FNBP1: variants seen among roughly 807,000 people sequenced by gnomAD.
FNBP1 encodes formin binding protein 1, also known as formin-binding protein 1.
A neutral mutation model predicts 90.6 loss-of-function variants in FNBP1; 26 were observed. The ratio of observed to expected loss-of-function variants is 0.29; its 90% CI spans 0.21 to 0.40. FNBP1 has a LOEUF of 0.40. FNBP1 is among the 10% of genes least tolerant of loss of function. FNBP1 has a pLI of 1.00. For missense variants in FNBP1, 635 were observed against 768.0 expected (o/e 0.83, Z 2.05); for synonymous variants, 260 against 265.2 (o/e 0.98, Z 0.19).
intron 6 of FNBP1, among the ~76,000 whole-genome samples, chr9:129,935,898 C>A (rs2043371126): frequency 6.6e-6 from 1 of 152,144 alleles, no homozygotes; most frequent in South Asian, 2.1e-4. Flanking sequence ...AAGAGACTTA[C>A]TAAGTTTTTA....
At chr9:130,039,825 G>A (rs917321206) in intron 1 of FNBP1, among the ~76,000 whole-genome samples, 1 of 152,130 alleles carries the variant, frequency 6.6e-6, no homozygotes, top group Non-Finnish European at 1.5e-5. Context: ...TTAGAAACCT[G>A]TAGTTTCTAA....
At chr9:130,033,827 C>T (rs987741045) in intron 1 of FNBP1, among the ~76,000 whole-genome samples, 12 of 141,464 alleles carry the variant, frequency 8.5e-5, no homozygotes, top group African/African-American at 3.2e-4. Flanking sequence ...ACATGGTAAC[C>T]CCGCCTCTAC....
chr9:130,002,525 T>G (rs182372371), intron 1 of FNBP1, among the ~76,000 whole-genome samples: 26 of 152,290 alleles, frequency 1.7e-4, no homozygotes, highest in African/African-American at 4.8e-4. Flanking sequence ...CCCCTCTCTA[T>G]TGTGCCCTCT....
intron 3 of FNBP1, 34 bp downstream of exon 3, chr9:129,979,284 T>C (rs760875685): frequency 7.5e-6 from 10 of 1,327,784 alleles, no homozygotes; most frequent in Non-Finnish European, 1.1e-5. Context: ...ATGGCATGTG[T>C]CTATTACAAG....
At chr9:130,049,466 C>T in the FNBP1 span, among the ~76,000 whole-genome samples, 1 of 152,254 alleles carries the variant, frequency 6.6e-6, no homozygotes, top group South Asian at 2.1e-4. Flanking sequence ...ATAATCCCAG[C>T]ACTTTGGGAG....
chr9:129,991,115 T>G (rs1022551390), intron 2 of FNBP1, among the ~76,000 whole-genome samples: 1 of 151,696 alleles, frequency 6.6e-6, no homozygotes, highest in African/African-American at 2.4e-5. Context: ...TTTGTATTTT[T>G]AGTAGAGACA....
chr9:129,999,732 T>C (rs1221612335), intron 1 of FNBP1, among the ~76,000 whole-genome samples: 1 of 152,154 alleles, frequency 6.6e-6, no homozygotes, highest in African/African-American at 2.4e-5. Flanking sequence ...AACAAACCCA[T>C]TACCATTACA....
chr9:129,970,337 C>T lies in FNBP1; in HGVS notation c.345+8128G>A, dbSNP rs1588969822. 2.0e-5 allele frequency among the ~76,000 whole-genome samples: 3 copies of T among 152,102 alleles called. No homozygotes were observed. The South Asian group carries it at 6.2e-4, about 32-fold the overall frequency. On this transcript the variant is annotated intron_variant, in intron 4 of 16. Coordinates refer to ENST00000446176, the MANE Select transcript of FNBP1 (RefSeq NM_015033.3). ...TCTCCTGCCTCAGCCTCCCGAGTAG[C>T]TGGGATTGCAGACATGCACAACCAA...
At chr9:129,935,031 G>A (rs139438453) in intron 6 of FNBP1, among the ~76,000 whole-genome samples, 1 of 151,788 alleles carries the variant, frequency 6.6e-6, no homozygotes, top group Non-Finnish European at 1.5e-5. Context: ...ATCCTAATGG[G>A]TTTAAAGACA....
intron 6 of FNBP1, among the ~76,000 whole-genome samples, chr9:129,930,412 A>G (rs1348645006): frequency 6.6e-6 from 1 of 152,150 alleles, no homozygotes. Flanking sequence ...TTCATGCACT[A>G]AAAAGGCATA....
intron 10 of FNBP1, among the ~76,000 whole-genome samples, chr9:129,921,265 T>C (rs2041038014): frequency 6.6e-6 from 1 of 152,078 alleles, no homozygotes; most frequent in Non-Finnish European, 1.5e-5. Flanking sequence ...ATTTACATTC[T>C]TTACTTTTTT....
At chr9:129,972,218 C>T (rs2049566898) in intron 4 of FNBP1, among the ~76,000 whole-genome samples, 1 of 152,206 alleles carries the variant, frequency 6.6e-6, no homozygotes, top group African/African-American at 2.4e-5. Context: ...ACTGCAACCT[C>T]TGCCTCCCGG....
At chr9:129,937,623 C>T (rs569408750) in intron 6 of FNBP1, among the ~76,000 whole-genome samples, 1 of 150,530 alleles carries the variant, frequency 6.6e-6, no homozygotes, top group Non-Finnish European at 1.5e-5. Context: ...CCCAGCTACT[C>T]GGGAGGCTGA....
Position 129,900,688 on chromosome 9 carries a change from A to G in FNBP1, c.1429-141T>C. On this transcript the variant is annotated intron_variant, in intron 13 of 16. Transcript: ENST00000446176. This position sits in a 1 kb window ranked among gnomAD's most constrained non-coding sequence, Gnocchi z 4.1. ...ACTCAGGGGCTACTCTTGGCCATTT[A>G]ACCCAATGTGAGGAAGTCCACGTGG... 3.3e-6 allele frequency: 3 copies of G among 902,078 alleles called. No individual in the cohort carries two copies. Among genetic ancestry groups the G allele is most frequent in the Non-Finnish European group, 4.5e-6 (3 of 673,130 alleles). The allele number at this position is 902,078 out of a possible 1,614,324, so 55.9% of individuals were successfully genotyped here. A position where few individuals can be genotyped will look rare whatever the true frequency, so the allele number is the denominator to read the frequency against.
Position 130,043,035 on chromosome 9 carries a change from C to T in FNBP1, c.-60G>A. The T allele has an allele frequency of 1.6e-6, 2 of 1,221,518 alleles. No individual in the cohort carries two copies. Among genetic ancestry groups the T allele is most frequent in the South Asian group, 8.3e-5 (2 of 24,194 alleles). 75.7% of individuals were successfully genotyped at this position (1,221,518 alleles called of 1,614,324 possible). On this transcript the variant is annotated 5_prime_UTR_variant, in exon 1 of 17. Coordinates refer to ENST00000446176, the MANE Select transcript of FNBP1 (RefSeq NM_015033.3). ...GGGCGCGGCTCTCTGGTCCCCCTCC[C>T]CGGCGATCCCTTTGCCCCCCGAGAT...
intron 6 of FNBP1, among the ~76,000 whole-genome samples, chr9:129,944,357 C>G (rs1188976190): frequency 2.0e-5 from 3 of 151,648 alleles, no homozygotes; most frequent in African/African-American, 7.3e-5. Flanking sequence ...CCAGGCCAAC[C>G]TGGAGAAACC....
chr9:129,919,701 C>A (rs76257884), intron 10 of FNBP1, among the ~76,000 whole-genome samples: 1,934 of 152,294 alleles, frequency 0.013, 18 homozygotes, highest in Middle Eastern at 0.024. Context: ...ATACTCTGAT[C>A]ATAGAAACAA....
At chr9:130,029,021 A>G (rs1350179954) in intron 1 of FNBP1, among the ~76,000 whole-genome samples, 1 of 152,188 alleles carries the variant, frequency 6.6e-6, no homozygotes, top group Non-Finnish European at 1.5e-5. Context: ...TGTCCATAGC[A>G]TTTATCATTA....
At position 129,925,074 on chromosome 9, in the gene FNBP1, C is replaced by T; in HGVS notation, c.873G>A (p.Met291Ile). The T allele has an allele frequency of 6.2e-7, 1 of 1,613,928 alleles. No individual in the cohort carries two copies. The highest frequency in any genetic ancestry group is 8.5e-7 in the Non-Finnish European group (1 of 1,179,808). ...GGCTGTTATCTGACACAGTGCGCTT[C>T]ATTGGCTGAGTGTAATCCTCAAATT... ...DIEFEDYTQP[M>I]KRTVSDNSLS... Residue 291 changes from methionine (M) to isoleucine (I), a missense_variant, in exon 9 of 17, where the codon ATG becomes ATA. Coordinates refer to ENST00000446176, the MANE Select transcript of FNBP1 (RefSeq NM_015033.3).
Sources: gnomAD v4.1 joint callset for allele counts (sites outside exome capture counted in the v4.1 genomes callset) on GRCh38, gnomAD v4.1.1 for gene constraint, Gnocchi (gnomAD v3.1) non-coding constraint, MANE v1.5 for transcripts, NCBI Gene and HGNC (gene_info 2026-07-23, HGNC 2026-07-21) for gene names.